Variants in PLA2G12A observed in about 807,000 individuals in gnomAD.
PLA2G12A encodes phospholipase A2 group XIIA, also known as group XIIA secretory phospholipase A2.
Under a neutral mutation model 16.0 loss-of-function variants are expected in PLA2G12A, and 11 were observed. That is an observed-to-expected ratio of 0.69 (90% confidence interval 0.43 to 1.13). The LOEUF is 1.13. Among genes scored for constraint, PLA2G12A ranks in the 50% most tolerant of loss-of-function variants. The pLI, the probability that PLA2G12A is intolerant of heterozygous loss-of-function variation, is 0.00. For synonymous variants in PLA2G12A, 77 were observed against 93.8 expected (o/e 0.82, Z 1.03); for missense variants, 214 against 237.3 (o/e 0.90, Z 0.65).
chr4:109,716,306 A>G (rs1730826590), intron 3 of PLA2G12A, among the ~76,000 whole-genome samples: 1 of 152,264 alleles, frequency 6.6e-6, no homozygotes, highest in South Asian at 2.1e-4. Flanking sequence ...CACAGATTTT[A>G]AAGTCAGGCT....
At position 109,714,367 on chromosome 4, in the gene PLA2G12A, G is replaced by A. The variant is rs1730789871; in HGVS notation, c.*10C>T. ...CCATCTTCATCTGTCACTAGCTGTC[G>A]GCATCTCCTTTAAAGATCAGTTTTT... On this transcript the variant is annotated 3_prime_UTR_variant, in exon 4 of 4. Coordinates refer to ENST00000243501, the MANE Select transcript of PLA2G12A (RefSeq NM_030821.5). 9 of 1,545,766 alleles carry A rather than the reference G, an allele frequency of 5.8e-6. No homozygotes were observed. Among genetic ancestry groups the A allele is most frequent in the Non-Finnish European group, 6.3e-6 (7 of 1,117,942 alleles).
Position 109,717,695 on chromosome 4 carries a change from A to T in PLA2G12A, c.304T>A (p.Ser102Thr). The T allele has an allele frequency of 6.2e-7, 1 of 1,613,930 alleles. No individual in the cohort carries two copies. Among genetic ancestry groups the T allele is most frequent in the Non-Finnish European group, 8.5e-7 (1 of 1,179,858 alleles). ...TGTTGGTTGCAACACTTTGTCAGGG[A>T]AGGGATACCAATGTTAAGCTGCAAA... ...FGVHLNIGIPSLTKCCNQHDR... is the reference protein window; with the variant it reads ...FGVHLNIGIPTLTKCCNQHDR... Residue 102 changes from serine (S) to threonine (T), a missense_variant, in exon 3 of 4, where the codon TCC (serine) becomes ACC (threonine). Physicochemically the swap from Ser to Thr is moderately conservative, Grantham distance 58. Transcript: ENST00000243501.
intron 3 of PLA2G12A, among the ~76,000 whole-genome samples, 153 bp downstream of exon 3, chr4:109,717,395 A>G (rs1410491474): frequency 6.6e-6 from 1 of 152,218 alleles, no homozygotes; most frequent in Non-Finnish European, 1.5e-5. Context: ...AGATTATAAA[A>G]TCATCAGCTC....
Position 109,730,047 on chromosome 4 carries a change from T to C in PLA2G12A, c.-238A>G. On this transcript the variant is annotated 5_prime_UTR_variant, in exon 1 of 4. Transcript: ENST00000243501. ...ACCTGGACCAGCGCGCCCGCTCACCTGGGCCAGCAACCGTCCCCTGTGCGC... is the reference window on the plus strand; with the variant it reads ...ACCTGGACCAGCGCGCCCGCTCACCCGGGCCAGCAACCGTCCCCTGTGCGC... The C allele has an allele frequency of 4.6e-6, 2 of 434,264 alleles. No homozygotes were observed. Among genetic ancestry groups the C allele is most frequent in the Non-Finnish European group, 4.1e-6 (1 of 246,830 alleles). 26.9% of individuals were successfully genotyped at this position (434,264 alleles called of 1,614,324 possible).
intron 3 of PLA2G12A, among the ~76,000 whole-genome samples, chr4:109,714,731 A>ATTTT (rs369832658): frequency 1.5e-5 from 2 of 130,180 alleles, no homozygotes; most frequent in African/African-American, 2.8e-5. Flanking sequence ...GTTTAACCCA[A>ATTTT]TTTTTTTTTT....
chr4:109,726,648 C>A (rs1722944763), intron 1 of PLA2G12A, among the ~76,000 whole-genome samples: 1 of 152,180 alleles, frequency 6.6e-6, no homozygotes, highest in Non-Finnish European at 1.5e-5. Context: ...ACTTATTCAT[C>A]ATTCTAAAAA....
chr4:109,718,542 A>G, intron 2 of PLA2G12A, 141 bp downstream of exon 2: 1 of 623,966 alleles, frequency 1.6e-6, no homozygotes, highest in Non-Finnish European at 2.7e-6. Context: ...AGTTTTGCCA[A>G]AAAGAATCTA....
At chr4:109,715,468 T>G (rs956449344) in intron 3 of PLA2G12A, among the ~76,000 whole-genome samples, 1 of 151,472 alleles carries the variant, frequency 6.6e-6, no homozygotes, top group Middle Eastern at 3.2e-3. Context: ...ATTTATTTAT[T>G]TATTTATTTA....
intron 3 of PLA2G12A, among the ~76,000 whole-genome samples, chr4:109,716,488 G>A (rs1730829530): frequency 1.3e-5 from 2 of 152,078 alleles, no homozygotes; most frequent in Non-Finnish European, 2.9e-5. Flanking sequence ...TTCCTTTCCT[G>A]CCTTGCCTCT....
chr4:109,714,574 A>G lies in PLA2G12A; in HGVS notation c.452-79T>C. ...CTATGTTACACATTACAGCACAGCA[A>G]CAAGCATATCCCTCGTGAGCACTGA... On this transcript the variant is annotated intron_variant, in intron 3 of 3. Coordinates refer to ENST00000243501, the MANE Select transcript of PLA2G12A (RefSeq NM_030821.5). 5.5e-6 allele frequency: 5 copies of G among 906,906 alleles called. No individual in the cohort carries two copies. In the South Asian group the frequency reaches 6.6e-5, roughly 12 times the overall value. The allele number at this position is 906,906 out of a possible 1,614,324, so 56.2% of individuals were successfully genotyped here.
At chr4:109,716,620 C>A (rs1261197061) in intron 3 of PLA2G12A, among the ~76,000 whole-genome samples, 1 of 152,158 alleles carries the variant, frequency 6.6e-6, no homozygotes. Context: ...TATGACAACT[C>A]TGTGAGGTGA....
intron 1 of PLA2G12A, among the ~76,000 whole-genome samples, chr4:109,724,292 A>G (rs185873784): frequency 1.8e-3 from 273 of 152,100 alleles, no homozygotes; most frequent in African/African-American, 6.4e-3. Context: ...TGCCTGGCTA[A>G]TCTTGTATTT....
At chr4:109,727,504 CA>C (rs1319971078) in intron 1 of PLA2G12A, among the ~76,000 whole-genome samples, 1 of 152,048 alleles carries the variant, frequency 6.6e-6, no homozygotes, top group Non-Finnish European at 1.5e-5. Context: ...CTTACTAAGA[CA>C]AAAAATTTTT....
chr4:109,714,194 C>G lies in PLA2G12A; in HGVS notation c.*183G>C. ...AAGATACCTGAGAAGACAAGCGTGC[C>G]CTCCCCTCACTATCTCCCTCACTTT... is the stretch of plus-strand genomic sequence containing the variant. On this transcript the variant is annotated 3_prime_UTR_variant, in exon 4 of 4. Transcript: ENST00000243501. 1.7e-6 allele frequency: 1 copy of G among 591,900 alleles called. No homozygotes were observed. Among genetic ancestry groups the G allele is most frequent in the East Asian group, 2.8e-5 (1 of 36,268 alleles). 36.7% of individuals were successfully genotyped at this position (591,900 alleles called of 1,614,324 possible).
chr4:109,718,760 C>A lies in PLA2G12A; in HGVS notation c.209-1G>T. ...CCATAACGTGGGAAAGGCTTAGATC[C>A]TATAAAATATAATGGTATCATAATT... On this transcript the variant is annotated splice_acceptor_variant, in intron 1 of 3. Coordinates refer to ENST00000243501, the MANE Select transcript of PLA2G12A (RefSeq NM_030821.5). LOFTEE classifies it high-confidence loss of function. 1.3e-6 allele frequency: 2 copies of A among 1,559,310 alleles called. No homozygotes were observed. Among genetic ancestry groups the A allele is most frequent in the South Asian group, 1.2e-5 (1 of 84,266 alleles).
chr4:109,727,490 A>C (rs1214387607), intron 1 of PLA2G12A, among the ~76,000 whole-genome samples: 2 of 152,176 alleles, frequency 1.3e-5, no homozygotes, highest in Non-Finnish European at 2.9e-5. Context: ...TTAAACGTAG[A>C]GTACTTACTA....
chr4:109,720,624 T>A (rs1159529249), intron 1 of PLA2G12A, among the ~76,000 whole-genome samples: 4 of 117,204 alleles, frequency 3.4e-5, no homozygotes, highest in African/African-American at 1.4e-4. Context: ...TATATATATA[T>A]ATATATATAT....
intron 3 of PLA2G12A, among the ~76,000 whole-genome samples, chr4:109,715,730 C>T (rs1056417462): frequency 1.3e-5 from 2 of 152,030 alleles, no homozygotes; most frequent in Non-Finnish European, 2.9e-5. Context: ...CAGCCAAGGC[C>T]TCCCAAAGTG....
intron 3 of PLA2G12A, 96 bp downstream of exon 3, chr4:109,717,452 G>T: frequency 7.7e-7 from 1 of 1,293,812 alleles, no homozygotes; most frequent in Non-Finnish European, 1.1e-6. Flanking sequence ...TAATATATGT[G>T]AAAGATTTCT....
Sources: gnomAD v4.1 joint callset for allele counts (sites outside exome capture counted in the v4.1 genomes callset) on GRCh38, gnomAD v4.1.1 for gene constraint, MANE v1.5 for transcripts, NCBI Gene and HGNC (gene_info 2026-07-23, HGNC 2026-07-21) for gene names.